The following VPS13B variants were observed in gnomAD, a reference collection of about 807,000 sequenced individuals.
VPS13B encodes intermembrane lipid transfer protein VPS13B.
Under a neutral mutation model 426.4 loss-of-function variants are expected in VPS13B, and 285 were observed. The ratio of observed to expected loss-of-function variants is 0.67; its 90% CI spans 0.61 to 0.74. The LOEUF is 0.74. Among genes scored for constraint, VPS13B ranks in the 30% least tolerant of loss-of-function variants. VPS13B has a pLI of 0.00. For synonymous variants in VPS13B, 1,676 were observed against 1,676.4 expected, an observed-to-expected ratio of 1.00 and a Z score of 0.01; for missense variants, 4,537 against 4,782.6, an observed-to-expected ratio of 0.95 and a Z score of 1.51.
chr8:99,142,107 A>G (rs1006074251), intron 12 of VPS13B, among the ~76,000 whole-genome samples: 2 of 152,150 alleles, frequency 1.3e-5, no homozygotes, highest in African/African-American at 4.8e-5. Flanking sequence ...TGTTCATATG[A>G]TGAAGACTAA....
rs531726005 is a variant in VPS13B, at chr8:99,265,095, G to A, written c.2516-9103G>A. On this transcript the variant is annotated intron_variant, in intron 17 of 61. Coordinates refer to ENST00000357162, the MANE Select transcript of VPS13B (RefSeq NM_152564.5). ...TTGCAGTATCTTCTGTACTCTTTGA[G>A]GATAGAAATCATTATTATTATTATT... is the stretch of plus-strand genomic sequence containing the variant. Among the ~76,000 whole-genome samples, 12 of 152,052 alleles carry A rather than the reference G, an allele frequency of 7.9e-5. No homozygotes were observed. The East Asian group carries it at 2.3e-3, about 29-fold the overall frequency.
chr8:99,848,826 G>A lies in VPS13B; in HGVS notation c.9993G>A (p.Gln3331=), dbSNP rs201746251. The change falls in exon 55 of 62, where the codon CAG becomes CAA. Residue 3331 remains glutamine, a synonymous_variant. Transcript: ENST00000357162. ...FGYVYVDVVH[Q]CGTVFITVAP... is the part of the protein sequence containing the mutation. ...ATGTGTATGTGGATGTTGTACATCA[G>A]TGTGGCACAGTCTTCATCACTGTGG... is the stretch of plus-strand genomic sequence containing the variant. The A allele has an allele frequency of 3.2e-5, 52 of 1,614,128 alleles. No homozygotes were observed. The highest frequency in any genetic ancestry group is 1.2e-4 in the African/African-American group (9 of 75,024).
chr8:99,076,227 C>T (rs1845114105), intron 3 of VPS13B, among the ~76,000 whole-genome samples: 1 of 152,110 alleles, frequency 6.6e-6, no homozygotes, highest in Non-Finnish European at 1.5e-5. Context: ...ACATATTTGA[C>T]ATGATTTTGA....
intron 58 of VPS13B, among the ~76,000 whole-genome samples, chr8:99,865,270 G>T (rs181780694): frequency 6.6e-6 from 1 of 152,200 alleles, no homozygotes; most frequent in Admixed American, 6.5e-5. Context: ...GAGAAAGGAC[G>T]TGCAGCTCCG....
intron 39 of VPS13B, among the ~76,000 whole-genome samples, chr8:99,758,908 G>GAGGC: frequency 6.6e-6 from 1 of 152,088 alleles, no homozygotes; most frequent in Non-Finnish European, 1.5e-5. Context: ...CTCTGATGTG[G>GAGGC]AGGCTCTCAC....
At chr8:99,486,495 C>T (rs1346143987) in intron 25 of VPS13B, among the ~76,000 whole-genome samples, 5 of 152,140 alleles carry the variant, frequency 3.3e-5, no homozygotes, top group African/African-American at 2.4e-5. Flanking sequence ...GGATTACAGG[C>T]GTGAGCCATC....
intron 43 of VPS13B, among the ~76,000 whole-genome samples, chr8:99,805,242 C>CA (rs60211650): frequency 0.027 from 3,651 of 133,834 alleles, 61 homozygotes; most frequent in African/African-American, 0.057. Context: ...CTATAAAATG[C>CA]AAAAAAAAAA....
intron 2 of VPS13B, among the ~76,000 whole-genome samples, chr8:99,029,182 C>T (rs1319314753): frequency 2.0e-5 from 3 of 146,642 alleles, no homozygotes; most frequent in African/African-American, 7.7e-5. Context: ...AGACGATGGG[C>T]GGCCGGGCAG....
intron 19 of VPS13B, among the ~76,000 whole-genome samples, chr8:99,326,679 A>C (rs1810297581): frequency 4.0e-5 from 6 of 151,708 alleles, no homozygotes; most frequent in Admixed American, 2.0e-4. Flanking sequence ...GATTATAGAC[A>C]TGAACCACCA....
intron 36 of VPS13B, among the ~76,000 whole-genome samples, chr8:99,709,305 T>C (rs1832619655): frequency 6.6e-6 from 1 of 152,206 alleles, no homozygotes; most frequent in South Asian, 2.1e-4. Flanking sequence ...GCATTTTGCT[T>C]AGTCAGCATG....
At chr8:99,051,264 C>T (rs1843535677) in intron 3 of VPS13B, among the ~76,000 whole-genome samples, 1 of 152,178 alleles carries the variant, frequency 6.6e-6, no homozygotes, top group African/African-American at 2.4e-5. Flanking sequence ...CCAGTTTTCC[C>T]AGCACCATTT....
intron 33 of VPS13B, among the ~76,000 whole-genome samples, chr8:99,620,867 A>G (rs1266068449): frequency 1.3e-5 from 2 of 151,668 alleles, no homozygotes; most frequent in South Asian, 2.1e-4. Flanking sequence ...TGCACCTGTA[A>G]TCCCACTACT....
At chr8:99,051,388 T>C (rs62532633) in intron 3 of VPS13B, among the ~76,000 whole-genome samples, 109,777 of 149,736 alleles carry the variant, frequency 0.73, 40,994 homozygotes, top group South Asian at 0.87. Context: ...CATTGGTCTG[T>C]ATCTCTGTTT....
intron 25 of VPS13B, among the ~76,000 whole-genome samples, chr8:99,499,029 A>G (rs1821087918): frequency 6.6e-6 from 1 of 152,188 alleles, no homozygotes; most frequent in East Asian, 1.9e-4. Flanking sequence ...CCAAGGATGA[A>G]GGGATATAAA....
At chr8:99,471,085 T>A (rs1819380203) in intron 24 of VPS13B, among the ~76,000 whole-genome samples, 1 of 151,996 alleles carries the variant, frequency 6.6e-6, no homozygotes, top group African/African-American at 2.4e-5. Flanking sequence ...AATAAACCCA[T>A]TTTTAGATGA....
At chr8:99,078,549 G>A (rs943892820) in intron 3 of VPS13B, among the ~76,000 whole-genome samples, 10 of 152,156 alleles carry the variant, frequency 6.6e-5, no homozygotes, top group African/African-American at 2.4e-4. Context: ...ACCACTGGTG[G>A]CAGTGATGGG....
At chr8:99,355,752 G>C (rs765318000) in intron 19 of VPS13B, among the ~76,000 whole-genome samples, 1 of 152,092 alleles carries the variant, frequency 6.6e-6, no homozygotes, top group African/African-American at 2.4e-5. Flanking sequence ...TTGACTGGTC[G>C]TATGTCAGCT....
intron 17 of VPS13B, among the ~76,000 whole-genome samples, chr8:99,261,095 A>G (rs903541109): frequency 6.6e-6 from 1 of 152,024 alleles, no homozygotes; most frequent in Admixed American, 6.6e-5. Context: ...AGAGTGATAC[A>G]TTTGTTACCT....
rs758044842 is a variant in VPS13B at position 99,817,713 on chromosome 8, G to A, written c.8271G>A (p.Thr2757=). The A allele has an allele frequency of 2.5e-5, 40 of 1,613,930 alleles. No individual in the cohort carries two copies. In the South Asian group the frequency reaches 3.3e-4, roughly 13 times the overall value. Residue 2757 remains threonine, a synonymous_variant, in exon 45 of 62, where the codon ACG becomes ACA. Transcript: ENST00000357162. ...PSYILENNEL[T]ELCVKAKGDE... is the part of the protein sequence containing the mutation. ...ACATACTAGAAAACAATGAACTGAC[G>A]GAGCTGTGTGTGAAGGCCAAAGGAG...
Sources: gnomAD v4.1 joint callset for allele counts (sites outside exome capture counted in the v4.1 genomes callset) on GRCh38, gnomAD v4.1.1 for gene constraint, MANE v1.5 for transcripts, NCBI Gene and HGNC (gene_info 2026-07-23, HGNC 2026-07-21) for gene names.